Variants in USP32 observed in about 807,000 individuals in gnomAD.
The protein encoded by USP32 is ubiquitin carboxyl-terminal hydrolase 32.
Under a neutral mutation model 204.8 loss-of-function variants are expected in USP32, and 59 were observed. The observed-to-expected ratio is 0.29, with a 90% CI of 0.23 to 0.36. USP32 has a LOEUF of 0.36. Among genes scored for constraint, USP32 ranks in the 10% least tolerant of loss-of-function variants. USP32 has a pLI of 1.00. For missense variants in USP32, 1,160 were observed against 1,946.4 expected (o/e 0.60, Z 7.60); for synonymous variants, 517 against 678.4 (o/e 0.76, Z 3.70).
At chr17:60,271,226 T>G in intron 6 of USP32, 124 bp downstream of exon 6, 1 of 1,246,572 alleles carries the variant, frequency 8.0e-7, no homozygotes, top group East Asian at 2.5e-5. Context: ...TTTTCCCCAC[T>G]CCATTAAACC....
At chr17:60,397,217 TAAC>T (rs2089906486) in intron 1 of USP32, among the ~76,000 whole-genome samples, 1 of 152,238 alleles carries the variant, frequency 6.6e-6, no homozygotes, top group Admixed American at 6.5e-5. Context: ...TAGATAATAA[TAAC>T]TTTGTCAAGT....
Position 60,266,109 on chromosome 17 carries a change from T to G in USP32, c.812-18A>C. On this transcript the variant is annotated intron_variant, in intron 7 of 33. Transcript: ENST00000300896. ...GAAGCAAACTAATGAAAAGAAACTC[T>G]TATGGAGGAAAATCATTTTTGTATT... The G allele has an allele frequency of 7.0e-6, 11 of 1,581,328 alleles. No individual in the cohort carries two copies. The highest frequency in any genetic ancestry group is 9.5e-6 in the Non-Finnish European group (11 of 1,152,966).
intron 21 of USP32, 111 bp from the exon 22 acceptor site, chr17:60,209,654 T>C: frequency 1.5e-6 from 1 of 646,112 alleles, no homozygotes; most frequent in East Asian, 3.2e-5. Flanking sequence ...GTATAGTACT[T>C]AGTCTGCCTC....
chr17:60,411,538 G>A (rs1567900668), intron 1 of USP32, among the ~76,000 whole-genome samples: 1 of 149,346 alleles, frequency 6.7e-6, no homozygotes, highest in African/African-American at 2.5e-5. Context: ...ATTTTAATTT[G>A]TATTTATTTA....
chr17:60,366,196 T>C (rs2089309784), intron 1 of USP32, among the ~76,000 whole-genome samples: 1 of 152,050 alleles, frequency 6.6e-6, no homozygotes, highest in South Asian at 2.1e-4. Context: ...TCTTGCTCTG[T>C]CGCCTAGGCT....
rs779370967 is a variant in USP32 at position 60,269,435 on chromosome 17, G to A, written c.811+15C>T. 6.2e-7 allele frequency: 1 copy of A among 1,600,396 alleles called. No homozygotes were observed. The highest frequency in any genetic ancestry group is 8.5e-7 in the Non-Finnish European group (1 of 1,172,636). ...ACATAGTTTGCAATTTTTTGACAATGTTTAACACACTTACATTTTTGTCTT... is the reference window on the plus strand; with the variant it reads ...ACATAGTTTGCAATTTTTTGACAATATTTAACACACTTACATTTTTGTCTT... On this transcript the variant is annotated intron_variant, in intron 7 of 33. Coordinates refer to ENST00000300896, the MANE Select transcript of USP32 (RefSeq NM_032582.4).
intron 1 of USP32, among the ~76,000 whole-genome samples, chr17:60,379,408 T>C (rs2089608731): frequency 6.6e-6 from 1 of 152,110 alleles, no homozygotes; most frequent in African/African-American, 2.4e-5. Context: ...ACATTCCAGA[T>C]TTAGGGACTC....
At chr17:60,242,822 CT>C (rs1204321942) in intron 11 of USP32, among the ~76,000 whole-genome samples, 4 of 152,118 alleles carry the variant, frequency 2.6e-5, no homozygotes, top group Non-Finnish European at 5.9e-5. Flanking sequence ...TCTAAGTCTT[CT>C]GTTTTTTGTC....
intron 12 of USP32, among the ~76,000 whole-genome samples, chr17:60,235,658 C>A (rs1401224561): frequency 6.6e-6 from 1 of 152,114 alleles, no homozygotes; most frequent in African/African-American, 2.4e-5. Context: ...AAAAAAATTC[C>A]ATTTTAATGG....
At chr17:60,300,455 C>T (rs151088622) in intron 3 of USP32, among the ~76,000 whole-genome samples, 76 of 152,244 alleles carry the variant, frequency 5.0e-4, no homozygotes, top group African/African-American at 1.7e-3. Flanking sequence ...TAGCATTTCC[C>T]TGATCAGCAG....
chr17:60,213,204 C>A (rs1359504757), intron 18 of USP32, among the ~76,000 whole-genome samples: 2 of 152,180 alleles, frequency 1.3e-5, no homozygotes, highest in Non-Finnish European at 2.9e-5. Flanking sequence ...ATGTTGGTGA[C>A]TAATGAAAGC....
chr17:60,348,039 G>C (rs552954862), intron 1 of USP32, among the ~76,000 whole-genome samples: 2 of 151,790 alleles, frequency 1.3e-5, no homozygotes, highest in East Asian at 3.9e-4. Context: ...GGAGAATGGC[G>C]TGAACTCGGG....
chr17:60,344,511 G>A (rs1385932966), intron 2 of USP32, among the ~76,000 whole-genome samples: 2 of 152,060 alleles, frequency 1.3e-5, no homozygotes, highest in Admixed American at 6.6e-5. Flanking sequence ...GTGCAGTGGT[G>A]CAATCATAGC....
chr17:60,416,155 CAAAGA>C (rs2090060533), intron 1 of USP32, among the ~76,000 whole-genome samples: 1 of 151,942 alleles, frequency 6.6e-6, no homozygotes. Context: ...GGGTTTCTTA[CAAAGA>C]AAAGAGGATA....
At chr17:60,284,296 C>A (rs1180036185) in intron 5 of USP32, among the ~76,000 whole-genome samples, 2 of 151,076 alleles carry the variant, frequency 1.3e-5, no homozygotes, top group African/African-American at 4.8e-5. Flanking sequence ...TCACTGCAAC[C>A]CCCGCCTCCC....
chr17:60,189,940 A>G (rs1322712329), intron 29 of USP32, among the ~76,000 whole-genome samples: 4 of 152,216 alleles, frequency 2.6e-5, no homozygotes, highest in Non-Finnish European at 5.9e-5. Flanking sequence ...AATGCCTGCT[A>G]TAGTTTGGAC....
chr17:60,201,903 C>T (rs1282798548), intron 26 of USP32, among the ~76,000 whole-genome samples: 5 of 152,164 alleles, frequency 3.3e-5, no homozygotes, highest in African/African-American at 4.8e-5. Context: ...GTGATCCATC[C>T]GTCTCGGCCT....
Position 60,181,664 on chromosome 17 carries a change from C to G in USP32, c.4208G>C (p.Gly1403Ala). The G allele has an allele frequency of 1.2e-6, 2 of 1,613,518 alleles. No individual in the cohort carries two copies. Among genetic ancestry groups the G allele is most frequent in the South Asian group, 2.2e-5 (2 of 91,062 alleles). ...SSPNSSPRTL[G>A]RSKGRLRLPQ... is the part of the protein sequence containing the mutation. ...CAGCCGGAGCCTCCCTTTGCTCCTC[C>G]CCAAAGTCCGTGGGCTGCTATTAGG... The change falls in exon 32 of 34, where the codon GGG (glycine) becomes GCG (alanine). Residue 1403 changes from glycine (G) to alanine (A), a missense_variant. By Grantham distance (60) the Gly-to-Ala change is moderately conservative. Coordinates refer to ENST00000300896, the MANE Select transcript of USP32 (RefSeq NM_032582.4).
upstream of USP32, among the ~76,000 whole-genome samples, chr17:60,394,355 C>T (rs1323919393): frequency 2.0e-5 from 3 of 152,132 alleles, no homozygotes; most frequent in African/African-American, 4.8e-5. Context: ...TGTCCTAAAC[C>T]GTCAGTACCT....
Sources: gnomAD v4.1 joint callset for allele counts (sites outside exome capture counted in the v4.1 genomes callset) on GRCh38, gnomAD v4.1.1 for gene constraint, MANE v1.5 for transcripts, NCBI Gene and HGNC (gene_info 2026-07-23, HGNC 2026-07-21) for gene names.